Variants in QTMAN observed in about 807,000 individuals in gnomAD.
The protein encoded by QTMAN is tRNA-queuosine alpha-mannosyltransferase.
the QTMAN span, among the ~76,000 whole-genome samples, chr2:144,296,629 T>C: frequency 6.6e-6 from 1 of 152,248 alleles, no homozygotes; most frequent in African/African-American, 2.4e-5. Context: ...TCAGGACTAC[T>C]TCATTTTTAT....
At chr2:144,204,581 G>A in the QTMAN span, among the ~76,000 whole-genome samples, 3 of 152,196 alleles carry the variant, frequency 2.0e-5, no homozygotes, top group Non-Finnish European at 4.4e-5. Context: ...GGAAGTCAGC[G>A]TGGCAATTCC....
At chr2:144,239,858 A>G in the QTMAN span, among the ~76,000 whole-genome samples, 3 of 152,324 alleles carry the variant, frequency 2.0e-5, no homozygotes, top group South Asian at 4.1e-4. Flanking sequence ...CAAACTAGTT[A>G]TCTCCCTAAA....
At chr2:144,003,595 C>T in the QTMAN span, among the ~76,000 whole-genome samples, 1 of 151,994 alleles carries the variant, frequency 6.6e-6, no homozygotes, top group East Asian at 1.9e-4. Flanking sequence ...TGCTAAAATA[C>T]TGTCAGTTAT....
At chr2:144,009,475 C>T in the QTMAN span, among the ~76,000 whole-genome samples, 1 of 152,080 alleles carries the variant, frequency 6.6e-6, no homozygotes. Flanking sequence ...ACCCTATGTA[C>T]ATTCCAGAAC....
chr2:144,089,893 T>C, the QTMAN span, among the ~76,000 whole-genome samples: 19 of 152,026 alleles, frequency 1.2e-4, no homozygotes, highest in Admixed American at 1.2e-3. Flanking sequence ...AAGAATATAC[T>C]GTAGTCAGTT....
the QTMAN span, among the ~76,000 whole-genome samples, chr2:144,221,426 AC>A: frequency 6.6e-6 from 1 of 152,228 alleles, no homozygotes; most frequent in Non-Finnish European, 1.5e-5. Context: ...AAATGTTTAC[AC>A]TATTGCATGA....
chr2:144,243,373 A>C, the QTMAN span, among the ~76,000 whole-genome samples: 3 of 152,332 alleles, frequency 2.0e-5, no homozygotes, highest in Middle Eastern at 3.4e-3. Context: ...TTTAAGATGC[A>C]TGTATGTATG....
the QTMAN span, among the ~76,000 whole-genome samples, chr2:143,966,087 C>A: frequency 1.4e-4 from 21 of 152,128 alleles, no homozygotes; most frequent in African/African-American, 4.6e-4. Context: ...GAATTTCTCA[C>A]CGTTATCAAC....
chr2:144,133,418 TA>T, the QTMAN span, among the ~76,000 whole-genome samples: 3 of 37,188 alleles, frequency 8.1e-5, no homozygotes, highest in East Asian at 1.7e-3. Flanking sequence ...ATATTATATA[TA>T]ATATATATAA....
chr2:143,952,489 T>C, the QTMAN span, among the ~76,000 whole-genome samples: 3 of 151,548 alleles, frequency 2.0e-5, no homozygotes, highest in East Asian at 1.9e-4. Flanking sequence ...CTGTAAGCAA[T>C]TGCAGCAACA....
At chr2:144,148,809 T>C in the QTMAN span, among the ~76,000 whole-genome samples, 6 of 151,916 alleles carry the variant, frequency 3.9e-5, no homozygotes, top group Non-Finnish European at 1.5e-5. Flanking sequence ...ATATTCCCCA[T>C]TTGAGACTGC....
the QTMAN span, among the ~76,000 whole-genome samples, chr2:144,280,884 C>A: frequency 6.6e-6 from 1 of 151,854 alleles, no homozygotes; most frequent in Non-Finnish European, 1.5e-5. Context: ...CTATGAAATT[C>A]ATGCCTATCA....
At chr2:144,196,224 C>T in the QTMAN span, among the ~76,000 whole-genome samples, 1 of 150,972 alleles carries the variant, frequency 6.6e-6, no homozygotes, top group African/African-American at 2.5e-5. Context: ...CACACACACA[C>T]ACACACACAC....
chr2:144,012,970 T>G, the QTMAN span, among the ~76,000 whole-genome samples: 8 of 151,874 alleles, frequency 5.3e-5, no homozygotes, highest in Admixed American at 3.9e-4. Flanking sequence ...TAGCTCGGGT[T>G]TGGGGGAGGG....
At chr2:144,278,212 C>CTACAT in the QTMAN span, among the ~76,000 whole-genome samples, 1 of 152,150 alleles carries the variant, frequency 6.6e-6, no homozygotes, top group Non-Finnish European at 1.5e-5. Context: ...GAAGCTCAGC[C>CTACAT]TACAGTCTTT....
chr2:144,137,500 C>A, the QTMAN span, among the ~76,000 whole-genome samples: 1 of 152,006 alleles, frequency 6.6e-6, no homozygotes, highest in Non-Finnish European at 1.5e-5. Flanking sequence ...TTTATCACAC[C>A]CCCAATTTGA....
the QTMAN span, among the ~76,000 whole-genome samples, chr2:144,163,871 G>A: frequency 1.1e-4 from 16 of 152,280 alleles, no homozygotes; most frequent in South Asian, 3.3e-3. Flanking sequence ...TGGATTCTAA[G>A]GGAAGACTGC....
At chr2:144,009,573 A>G in the QTMAN span, among the ~76,000 whole-genome samples, 2 of 152,250 alleles carry the variant, frequency 1.3e-5, no homozygotes, top group African/African-American at 4.8e-5. Flanking sequence ...AGGAAACTCA[A>G]ACAAATACAT....
At chr2:144,306,264 T>C in the QTMAN span, among the ~76,000 whole-genome samples, 120 of 152,366 alleles carry the variant, frequency 7.9e-4, no homozygotes, top group African/African-American at 2.7e-3. Flanking sequence ...GAAACAATCA[T>C]GACCTTTATA....
Sources: gnomAD v4.1 joint callset for allele counts (sites outside exome capture counted in the v4.1 genomes callset) on GRCh38, gnomAD v4.1.1 for gene constraint, MANE v1.5 for transcripts, NCBI Gene and HGNC (gene_info 2026-07-23, HGNC 2026-07-21) for gene names.